Variants in PLD1 observed in about 807,000 individuals in gnomAD.
PLD1 encodes the protein choline phosphatase 1.
A neutral mutation model predicts 137.1 loss-of-function variants in PLD1; 112 were observed. The observed-to-expected ratio is 0.82, with a 90% CI of 0.70 to 0.96. The LOEUF (loss-of-function observed/expected upper bound fraction) is 0.96. Ranked by LOEUF, PLD1 falls within the 40% of genes least tolerant of loss-of-function variation. The pLI, the probability that PLD1 is intolerant of heterozygous loss-of-function variation, is 0.00. For missense variants in PLD1, 1,321 were observed against 1,342.0 expected, an observed-to-expected ratio of 0.98 and a Z score of 0.24; for synonymous variants, 431 against 454.7, an observed-to-expected ratio of 0.95 and a Z score of 0.66.
intron 21 of PLD1, chr3:171,654,426 G>A (rs943366233): frequency 1.1e-5 from 2 of 188,100 alleles, no homozygotes; most frequent in African/African-American, 4.8e-5. Context: ...TAAGTCAACT[G>A]ACTATTTTCA....
At position 171,764,921 on chromosome 3, in the gene PLD1, A is replaced by AAAGGAAGG. The variant is rs1560289082; in HGVS notation, c.-31-26840_-31-26839insCCTTCCTT. On this transcript the variant is annotated intron_variant, in intron 1 of 26. Coordinates refer to ENST00000351298, the MANE Select transcript of PLD1 (RefSeq NM_002662.5). ...GAAGGAAGGAAGGAAGGAAAGAAAGAAAGGAAAGAAAGGAAAGAAAGAAAG... is the reference window on the plus strand; with the variant it reads ...GAAGGAAGGAAGGAAGGAAAGAAAGAAAGGAAGGAAGGAAAGAAAGGAAAGAAAGAAAG... 5.1e-4 allele frequency among the ~76,000 whole-genome samples: 15 copies of AAAGGAAGG among 29,498 alleles called. 1 individual carries two copies. The highest frequency in any genetic ancestry group is 9.6e-4 in the Non-Finnish European group (13 of 13,542). 19.4% of individuals were successfully genotyped at this position (29,498 alleles called of 152,430 possible).
intron 12 of PLD1, among the ~76,000 whole-genome samples, chr3:171,697,237 C>CTTTTTTTTTTTTTTT (rs34340739): frequency 3.1e-5 from 3 of 97,316 alleles, no homozygotes; most frequent in Non-Finnish European, 4.1e-5. Context: ...TTCCGGACAC[C>CTTTTTTTTTTTTTTT]TTTTTTTTTT....
intron 23 of PLD1, among the ~76,000 whole-genome samples, chr3:171,639,848 C>CTCTCTCTCTATATATA (rs3050415): frequency 1.1e-3 from 119 of 110,170 alleles, no homozygotes; most frequent in African/African-American, 4.6e-3. Context: ...CTCTCTCTCT[C>CTCTCTCTCTATATATA]TATATATATA....
At chr3:171,695,747 C>T (rs1378957978) in intron 12 of PLD1, among the ~76,000 whole-genome samples, 2 of 150,708 alleles carry the variant, frequency 1.3e-5, no homozygotes, top group African/African-American at 2.4e-5. Flanking sequence ...CACCCCACCC[C>T]CCCAACCCAG....
chr3:171,687,395 T>C lies in PLD1; in HGVS notation c.1729A>G (p.Ile577Val). 1 of 1,614,208 alleles carries C rather than the reference T, an allele frequency of 6.2e-7. No homozygotes were observed. Among genetic ancestry groups the C allele is most frequent in the Admixed American group, 1.7e-5 (1 of 60,032 alleles). ...CTGGAGGTGCTGTCAATGCTGCTGATGCTATCTGCGTCGTGCAGGTGGTGC... is the reference window on the plus strand; with the variant it reads ...CTGGAGGTGCTGTCAATGCTGCTGACGCTATCTGCGTCGTGCAGGTGGTGC... ...HRHHLHDADSISSIDSTSSYF... is the reference protein window; with the variant it reads ...HRHHLHDADSVSSIDSTSSYF... Residue 577 changes from isoleucine to valine, a missense_variant, in exon 15 of 27, where the codon ATC (isoleucine) becomes GTC (valine). By Grantham distance (29) the Ile-to-Val change is conservative. Coordinates refer to ENST00000351298, the MANE Select transcript of PLD1 (RefSeq NM_002662.5).
At position 171,632,691 on chromosome 3, in the gene PLD1, G is replaced by A. The variant is rs1734772413; in HGVS notation, c.2593+10149C>T. Among the ~76,000 whole-genome samples, 10 of 152,258 alleles carry A rather than the reference G, an allele frequency of 6.6e-5. No individual in the cohort carries two copies. In the South Asian group the frequency reaches 2.1e-3, roughly 32 times the overall value. Reference sequence around the variant, plus strand: ...ATTATTATAACATCTGTGAAATTAGGATGAAGGATATATGGCAGTCCTGGA... The same window carrying A: ...ATTATTATAACATCTGTGAAATTAGAATGAAGGATATATGGCAGTCCTGGA... On this transcript the variant is annotated intron_variant, in intron 23 of 26. Coordinates refer to ENST00000351298, the MANE Select transcript of PLD1 (RefSeq NM_002662.5).
intron 1 of PLD1, among the ~76,000 whole-genome samples, chr3:171,784,370 GA>G (rs768555721): frequency 0.055 from 7,333 of 132,670 alleles, 498 homozygotes; most frequent in African/African-American, 0.17. Flanking sequence ...TTCTCAGAAG[GA>G]AAAAAAAAAA....
At chr3:171,665,228 C>T (rs1044146534) in intron 19 of PLD1, among the ~76,000 whole-genome samples, 2 of 152,064 alleles carry the variant, frequency 1.3e-5, no homozygotes, top group African/African-American at 2.4e-5. Flanking sequence ...GGTTAAGAGG[C>T]GATTCTTGAA....
chr3:171,622,202 C>A (rs113658125), intron 23 of PLD1, among the ~76,000 whole-genome samples: 4,527 of 152,194 alleles, frequency 0.03, 160 homozygotes, highest in African/African-American at 0.084. Flanking sequence ...CAGTAATTTC[C>A]ATTAAAATTC....
At chr3:171,683,321 G>A (rs930323738) in intron 16 of PLD1, among the ~76,000 whole-genome samples, 3 of 152,166 alleles carry the variant, frequency 2.0e-5, no homozygotes, top group African/African-American at 4.8e-5. Flanking sequence ...CCTACCCTTC[G>A]CTCAAGACCA....
At position 171,746,881 on chromosome 3, in the gene PLD1, C is replaced by T. The variant is rs556443149; in HGVS notation, c.-31-8799G>A. Among the ~76,000 whole-genome samples, 117 of 152,286 alleles carry T rather than the reference C, an allele frequency of 7.7e-4. 1 individual carries two copies. Among genetic ancestry groups the T allele is most frequent in the African/African-American group, 2.6e-3 (110 of 41,550 alleles). On this transcript the variant is annotated intron_variant, in intron 1 of 26. Transcript: ENST00000351298. ...CAACCAGCTGGGGCCCCCTTCAATA[C>T]GGTGGAAGGTTTGTTCTTTTGCTCT...
At chr3:171,638,571 TAGA>T (rs1401453627) in intron 23 of PLD1, among the ~76,000 whole-genome samples, 1 of 152,216 alleles carries the variant, frequency 6.6e-6, no homozygotes, top group Admixed American at 6.5e-5. Context: ...TTGCGGATGG[TAGA>T]ACTAATTAGC....
intron 21 of PLD1, among the ~76,000 whole-genome samples, chr3:171,647,511 G>A (rs1285555298): frequency 2.0e-5 from 3 of 151,686 alleles, no homozygotes; most frequent in Middle Eastern, 3.4e-3. Flanking sequence ...GTGCAATGGT[G>A]CGATCTCGGC....
chr3:171,787,918 A>T (rs1723069411), intron 1 of PLD1, among the ~76,000 whole-genome samples: 1 of 152,070 alleles, frequency 6.6e-6, no homozygotes. Flanking sequence ...CAAGAAAAAA[A>T]TTCAGCCGGG....
intron 1 of PLD1, among the ~76,000 whole-genome samples, chr3:171,762,585 C>T (rs1373431997): frequency 2.0e-5 from 3 of 152,124 alleles, no homozygotes; most frequent in East Asian, 1.9e-4. Context: ...GGAAGGTTGC[C>T]GCTGATAAAG....
At chr3:171,729,902 T>G (rs1054037727) in intron 6 of PLD1, among the ~76,000 whole-genome samples, 2 of 152,166 alleles carry the variant, frequency 1.3e-5, no homozygotes, top group Non-Finnish European at 2.9e-5. Flanking sequence ...TGTGGGATGT[T>G]TTACCCAAGG....
intron 1 of PLD1, among the ~76,000 whole-genome samples, chr3:171,742,357 C>A (rs1370732206): frequency 3.3e-5 from 5 of 152,132 alleles, no homozygotes; most frequent in African/African-American, 1.2e-4. Context: ...TCCAGAGTAA[C>A]TAAGACTGTA....
chr3:171,682,782 C>A (rs1714145058), intron 16 of PLD1, among the ~76,000 whole-genome samples: 1 of 152,286 alleles, frequency 6.6e-6, no homozygotes, highest in African/African-American at 2.4e-5. Flanking sequence ...GGTTCACCTA[C>A]TTCAATGTTC....
At chr3:171,615,748 C>A (rs535176134) in intron 24 of PLD1, among the ~76,000 whole-genome samples, 1 of 152,208 alleles carries the variant, frequency 6.6e-6, no homozygotes, top group South Asian at 2.1e-4. Context: ...CTAGGGATTT[C>A]TTTATTTATT....
Sources: allele counts gnomAD v4.1 joint callset (sites outside exome capture counted in the v4.1 genomes callset), GRCh38; gene constraint gnomAD v4.1.1; transcripts MANE v1.5; gene names NCBI Gene and HGNC (gene_info 2026-07-23, HGNC 2026-07-21).